Variants in NAALADL2 observed in about 807,000 individuals in gnomAD.
NAALADL2 encodes inactive N-acetylated-alpha-linked acidic dipeptidase-like protein 2.
A neutral mutation model predicts 87.2 loss-of-function variants in NAALADL2; 76 were observed. That is an observed-to-expected ratio of 0.87 (90% CI 0.72 to 1.05). The LOEUF (loss-of-function observed/expected upper bound fraction) is 1.05, where lower values mean the gene tolerates loss of function less well. NAALADL2 is among the 50% of genes least tolerant of loss of function. The pLI is 0.00. For synonymous variants in NAALADL2, 354 were observed against 331.0 expected, an observed-to-expected ratio of 1.07 and a Z score of -0.75; for missense variants, 1,089 against 945.8, an observed-to-expected ratio of 1.15 and a Z score of -1.99.
At chr3:175,742,139 T>C (rs139520825) in intron 12 of NAALADL2, among the ~76,000 whole-genome samples, 149 of 152,288 alleles carry the variant, frequency 9.8e-4, no homozygotes, top group Non-Finnish European at 1.8e-3. Context: ...ATTTGTCTCA[T>C]GTGAGCAGAG....
At chr3:174,632,623 A>T (rs1200337519) in intron 2 of NAALADL2, among the ~76,000 whole-genome samples, 4 of 152,062 alleles carry the variant, frequency 2.6e-5, no homozygotes, top group Non-Finnish European at 5.9e-5. Context: ...ATAACATTTA[A>T]TGCTGACACC....
chr3:175,300,780 TTTA>T (rs1756976146), intron 4 of NAALADL2, among the ~76,000 whole-genome samples: 1 of 138,908 alleles, frequency 7.2e-6, no homozygotes, highest in African/African-American at 2.9e-5. Flanking sequence ...TATTTATTTA[TTTA>T]TTTATTTTAT....
intron 2 of NAALADL2, among the ~76,000 whole-genome samples, chr3:175,105,544 A>G (rs1580470706): frequency 7.4e-6 from 1 of 134,434 alleles, no homozygotes. Context: ...ATATATTTAT[A>G]TATAGATTTA....
At chr3:175,674,332 T>C (rs566708760) in intron 11 of NAALADL2, among the ~76,000 whole-genome samples, 84 of 151,776 alleles carry the variant, frequency 5.5e-4, no homozygotes, top group African/African-American at 2.0e-3. Flanking sequence ...CGATCTCGGC[T>C]CACTGCAAGC....
At chr3:175,650,625 G>A (rs575286651) in intron 11 of NAALADL2, among the ~76,000 whole-genome samples, 74 of 152,040 alleles carry the variant, frequency 4.9e-4, no homozygotes, top group African/African-American at 1.5e-3. Context: ...TTCTTCCCCC[G>A]AAATGATGAT....
At position 175,062,068 on chromosome 3, in the gene NAALADL2, AC is replaced by A. The variant is rs1293445548; in HGVS notation, c.44-34719del. Among the ~76,000 whole-genome samples the A allele has an allele frequency of 2.6e-5, 4 of 151,018 alleles. No homozygotes were observed. In the South Asian group the frequency reaches 6.3e-4, roughly 24 times the overall value. ...TTTTCTTTTATTTAACATGAACAAAACCCATTTAATTACTGTCAGAACAGTG... is the reference window on the plus strand; with the variant it reads ...TTTTCTTTTATTTAACATGAACAAAACCATTTAATTACTGTCAGAACAGTG... On this transcript the variant is annotated intron_variant, in intron 1 of 13. Transcript: ENST00000454872.
At chr3:174,442,320 C>T (rs558456500) in intron 1 of NAALADL2, among the ~76,000 whole-genome samples, 3 of 152,110 alleles carry the variant, frequency 2.0e-5, no homozygotes, top group African/African-American at 4.8e-5. Flanking sequence ...TTTTTTCCCA[C>T]ACCCCAAGAA....
chr3:175,717,364 A>G (rs114784190), intron 11 of NAALADL2, among the ~76,000 whole-genome samples: 2,003 of 152,220 alleles, frequency 0.013, 37 homozygotes, highest in African/African-American at 0.046. Context: ...CCTTAGAACA[A>G]GTCACAAGAT....
intron 5 of NAALADL2, among the ~76,000 whole-genome samples, chr3:175,342,505 C>CGTGTGTGTGTGTGTGTGTGTGT (rs35444340): frequency 6.8e-6 from 1 of 146,620 alleles, no homozygotes; most frequent in African/African-American, 2.5e-5. Context: ...CCAAATATTG[C>CGTGTGTGTGTGTGTGTGTGTGT]GTGTGTGTGT....
At chr3:175,626,727 A>G (rs972054542) in intron 10 of NAALADL2, among the ~76,000 whole-genome samples, 1 of 151,830 alleles carries the variant, frequency 6.6e-6, no homozygotes, top group African/African-American at 2.4e-5. Context: ...AATTCCATCT[A>G]TAACATCTTC....
At chr3:175,275,840 T>A (rs1429011284) in intron 4 of NAALADL2, among the ~76,000 whole-genome samples, 2 of 150,364 alleles carry the variant, frequency 1.3e-5, no homozygotes, top group African/African-American at 4.9e-5. Flanking sequence ...TTATTATTAA[T>A]ATAATAATTA....
chr3:175,105,534 ATATATT>A (rs1722957139), intron 2 of NAALADL2, among the ~76,000 whole-genome samples: 1 of 142,842 alleles, frequency 7.0e-6, no homozygotes. Flanking sequence ...TTATACATTC[ATATATT>A]TATATATAGA....
At chr3:175,798,504 A>T (rs911323836) in intron 13 of NAALADL2, among the ~76,000 whole-genome samples, 14 of 152,086 alleles carry the variant, frequency 9.2e-5, no homozygotes, top group Non-Finnish European at 1.6e-4. Flanking sequence ...AAACTAAAAA[A>T]AGATCCATTT....
chr3:175,463,610 T>C (rs2149268983), intron 7 of NAALADL2, 117 bp downstream of exon 7: 1 of 546,210 alleles, frequency 1.8e-6, no homozygotes, highest in African/African-American at 2.0e-5. Context: ...TAGAAATTTG[T>C]CCCACTCTTA....
chr3:175,595,488 T>A (rs1722129472), intron 10 of NAALADL2, among the ~76,000 whole-genome samples: 1 of 152,010 alleles, frequency 6.6e-6, no homozygotes. Context: ...AAACCCTAAA[T>A]ACTCCACCGA....
intron 2 of NAALADL2, among the ~76,000 whole-genome samples, chr3:175,226,631 C>T (rs1274784404): frequency 6.6e-6 from 1 of 151,974 alleles, no homozygotes; most frequent in African/African-American, 2.4e-5. Context: ...GTAGTTATAT[C>T]AAGAGTTTTT....
At chr3:174,862,597 T>G (rs1319293255) in intron 1 of NAALADL2, among the ~76,000 whole-genome samples, 1 of 152,122 alleles carries the variant, frequency 6.6e-6, no homozygotes, top group African/African-American at 2.4e-5. Context: ...CCATGAGCTT[T>G]TAACATGTTC....
chr3:175,150,655 A>T (rs1157371342), intron 2 of NAALADL2, among the ~76,000 whole-genome samples: 1 of 152,178 alleles, frequency 6.6e-6, no homozygotes, highest in Admixed American at 6.6e-5. Context: ...AGTAATGGTC[A>T]TTTTTAAGGG....
At chr3:175,012,747 T>G (rs1305631168) in intron 1 of NAALADL2, among the ~76,000 whole-genome samples, 1 of 151,912 alleles carries the variant, frequency 6.6e-6, no homozygotes, top group Non-Finnish European at 1.5e-5. Context: ...GGGGAACACT[T>G]GCCTTGCAAA....
Sources: allele counts gnomAD v4.1 joint callset (sites outside exome capture counted in the v4.1 genomes callset), GRCh38; gene constraint gnomAD v4.1.1; transcripts MANE v1.5; gene names NCBI Gene and HGNC (gene_info 2026-07-23, HGNC 2026-07-21).